Variants in ATRNL1 observed in about 807,000 individuals in gnomAD.
The protein encoded by ATRNL1 is attractin-like protein 1.
A neutral mutation model predicts 182.7 loss-of-function variants in ATRNL1; 95 were observed. That is an observed-to-expected ratio of 0.52 (90% CI 0.44 to 0.62). ATRNL1 has a LOEUF of 0.62. Ranked by LOEUF, ATRNL1 falls within the 20% of genes least tolerant of loss-of-function variation. ATRNL1 has a pLI of 0.00. For synonymous variants in ATRNL1, 576 were observed against 568.3 expected (o/e 1.01, Z -0.19); for missense variants, 1,471 against 1,679.5 (o/e 0.88, Z 2.17).
At chr10:115,348,758 AAG>A (rs1283394466) in intron 19 of ATRNL1, among the ~76,000 whole-genome samples, 2 of 152,178 alleles carry the variant, frequency 1.3e-5, no homozygotes, top group African/African-American at 4.8e-5. Flanking sequence ...ATTAGTGACA[AAG>A]AGATGAATTC....
intron 26 of ATRNL1, among the ~76,000 whole-genome samples, chr10:115,626,979 G>T (rs1555024834): frequency 6.6e-6 from 1 of 152,026 alleles, no homozygotes; most frequent in African/African-American, 2.4e-5. Context: ...TTTATGATTT[G>T]ATGATAGAAA....
intron 28 of ATRNL1, among the ~76,000 whole-genome samples, chr10:115,937,349 G>A (rs1334699764): frequency 3.3e-5 from 5 of 152,182 alleles, no homozygotes; most frequent in African/African-American, 1.2e-4. Flanking sequence ...GTTTTTAGTA[G>A]GTGAGGGGAA....
rs1554885457 is a variant in ATRNL1, at chr10:115,171,184, C to A, written c.1240C>A (p.His414Asn). ...GHGQQYAVEG[H>N]SAHIMELDSR... ...TGGTCAGCAGTATGCTGTGGAGGGA[C>A]ATTCAGCACATATTATGGAGTTGGA... Residue 414 changes from histidine (H) to asparagine (N), a missense_variant, in exon 8 of 29, where the codon CAT becomes AAT. Transcript: ENST00000355044. 1 of 1,611,368 alleles carries A rather than the reference C, an allele frequency of 6.2e-7. No individual in the cohort carries two copies. The highest frequency in any genetic ancestry group is 1.1e-5 in the South Asian group (1 of 90,832).
intron 10 of ATRNL1, among the ~76,000 whole-genome samples, chr10:115,247,518 C>CA (rs1554904374): frequency 2.6e-5 from 4 of 151,830 alleles, no homozygotes; most frequent in East Asian, 1.9e-4. Context: ...ATCAAAAAGA[C>CA]AAAAAAATAA....
At chr10:115,533,179 A>T (rs568141457) in intron 25 of ATRNL1, among the ~76,000 whole-genome samples, 2,703 of 151,914 alleles carry the variant, frequency 0.018, 26 homozygotes, top group African/African-American at 0.062. Flanking sequence ...AAGGAATGGT[A>T]CCAGTTCCTC....
At chr10:115,700,417 T>A (rs782636734) in intron 26 of ATRNL1, among the ~76,000 whole-genome samples, 6 of 152,082 alleles carry the variant, frequency 3.9e-5, no homozygotes, top group Non-Finnish European at 8.8e-5. Flanking sequence ...TGTGGTTTTG[T>A]GGTTTTGATT....
In ATRNL1 at chr10:115,186,593, C is replaced by T. The variant is rs185702633; in HGVS notation, c.1348+15301C>T. 3.3e-5 allele frequency among the ~76,000 whole-genome samples: 5 copies of T among 152,006 alleles called. No homozygotes were observed. The East Asian group carries it at 9.7e-4, about 29-fold the overall frequency. On this transcript the variant is annotated intron_variant, in intron 8 of 28. Coordinates refer to ENST00000355044, the MANE Select transcript of ATRNL1 (RefSeq NM_207303.4). ...ACTGGAAATCATTAAGTGAAATAAG[C>T]CAGGCACAGAAAGAAAACTGCATGT...
chr10:115,569,561 T>G (rs1224184298), intron 26 of ATRNL1, among the ~76,000 whole-genome samples: 1 of 152,312 alleles, frequency 6.6e-6, no homozygotes, highest in African/African-American at 2.4e-5. Context: ...TTGCACATCT[T>G]GAAGAAAAGC....
At chr10:115,654,166 T>A (rs1401978920) in intron 26 of ATRNL1, among the ~76,000 whole-genome samples, 2 of 152,180 alleles carry the variant, frequency 1.3e-5, no homozygotes, top group Non-Finnish European at 2.9e-5. Flanking sequence ...GTTATTTGTT[T>A]GAGAGACTGG....
rs1947627056 is a variant in ATRNL1, at chr10:115,727,239, C to G, written c.3796-9C>G. On this transcript the variant is annotated splice_polypyrimidine_tract_variant and intron_variant, in intron 26 of 28. Coordinates refer to ENST00000355044, the MANE Select transcript of ATRNL1 (RefSeq NM_207303.4). ...TATTTTAAGATAAATCATTTTTAAC[C>G]CCCTCCAGCAACTGCTTCGAGAACG... is the stretch of plus-strand genomic sequence containing the variant. 1.3e-6 allele frequency: 2 copies of G among 1,598,798 alleles called. No homozygotes were observed. Among genetic ancestry groups the G allele is most frequent in the Non-Finnish European group, 1.7e-6 (2 of 1,166,090 alleles).
chr10:115,893,244 C>A (rs1319379613), intron 28 of ATRNL1, among the ~76,000 whole-genome samples: 4 of 152,160 alleles, frequency 2.6e-5, no homozygotes, highest in African/African-American at 9.7e-5. Flanking sequence ...TGTGTGGCAT[C>A]ATTCAGCAGC....
At chr10:115,693,607 T>C (rs1259458517) in intron 26 of ATRNL1, among the ~76,000 whole-genome samples, 8 of 152,094 alleles carry the variant, frequency 5.3e-5, no homozygotes, top group African/African-American at 7.2e-5. Flanking sequence ...TCACAGAGTT[T>C]CCTTAAAGAA....
chr10:115,735,951 CTA>C (rs1228025326), intron 27 of ATRNL1, among the ~76,000 whole-genome samples: 2 of 152,166 alleles, frequency 1.3e-5, no homozygotes, highest in African/African-American at 4.8e-5. Context: ...TATAGAGAAT[CTA>C]GCTTTTCTCT....
At chr10:115,436,341 G>A (rs1029263018) in intron 21 of ATRNL1, among the ~76,000 whole-genome samples, 2 of 152,080 alleles carry the variant, frequency 1.3e-5, no homozygotes, top group African/African-American at 2.4e-5. Context: ...AAAAATTAAT[G>A]TATGGCATTG....
At chr10:115,709,505 G>A (rs952794600) in intron 26 of ATRNL1, among the ~76,000 whole-genome samples, 1 of 151,780 alleles carries the variant, frequency 6.6e-6, no homozygotes, top group Admixed American at 6.6e-5. Flanking sequence ...TGTTCCTGTG[G>A]TTACTGTAAC....
chr10:115,291,790 T>C (rs1056960714), intron 15 of ATRNL1, among the ~76,000 whole-genome samples: 4 of 150,932 alleles, frequency 2.7e-5, no homozygotes, highest in African/African-American at 9.7e-5. Context: ...CATATGTTCA[T>C]CATAGATATT....
At chr10:115,430,465 C>T (rs1226346274) in intron 21 of ATRNL1, among the ~76,000 whole-genome samples, 1 of 151,668 alleles carries the variant, frequency 6.6e-6, no homozygotes, top group Non-Finnish European at 1.5e-5. Context: ...TCTTTAAAAA[C>T]GTAATTATTT....
intron 27 of ATRNL1, among the ~76,000 whole-genome samples, chr10:115,744,422 C>G (rs1480121577): frequency 6.6e-6 from 1 of 152,014 alleles, no homozygotes; most frequent in Non-Finnish European, 1.5e-5. Flanking sequence ...CTTGAATCAT[C>G]TCTTTCTTCT....
rs551129412 is a variant in ATRNL1, at chr10:115,370,526, C to T, written c.3176-24133C>T. ...ACTGGAGCAGAAGTGACTCTTGTTA[C>T]GTTTTAGCAAAGAGACTGGCGGCAT... On this transcript the variant is annotated intron_variant, in intron 19 of 28. Coordinates refer to ENST00000355044, the MANE Select transcript of ATRNL1 (RefSeq NM_207303.4). Among the ~76,000 whole-genome samples the T allele has an allele frequency of 2.6e-5, 4 of 152,246 alleles. No individual in the cohort carries two copies. The South Asian group carries it at 6.2e-4, about 24-fold the overall frequency.
Sources: allele counts gnomAD v4.1 joint callset (sites outside exome capture counted in the v4.1 genomes callset), GRCh38; gene constraint gnomAD v4.1.1; transcripts MANE v1.5; gene names NCBI Gene and HGNC (gene_info 2026-07-23, HGNC 2026-07-21).